Variants in RGS7 observed in about 807,000 individuals in gnomAD.
RGS7 encodes the protein regulator of G protein signaling 7.
RGS7 carries 27 observed loss-of-function variants against 81.1 expected under a neutral mutation model. That is an observed-to-expected ratio of 0.33 (90% CI 0.25 to 0.46). The LOEUF (loss-of-function observed/expected upper bound fraction) is 0.46. Ranked by LOEUF, RGS7 falls within the 20% of genes least tolerant of loss-of-function variation. The probability of loss-of-function intolerance (pLI) is 1.00; values close to 1 mark genes in which losing one functional copy is unlikely to be tolerated. For missense variants in RGS7, 396 were observed against 607.4 expected (o/e 0.65, Z 3.66); for synonymous variants, 208 against 207.7 (o/e 1.00, Z -0.01).
At chr1:240,893,623 AAAACTTGAG>A (rs1668603586) in intron 6 of RGS7, among the ~76,000 whole-genome samples, 1 of 152,074 alleles carries the variant, frequency 6.6e-6, no homozygotes, top group Non-Finnish European at 1.5e-5. Context: ...ACAAAACTCC[AAAACTTGAG>A]AATATATAGT....
At chr1:240,775,382 A>G (rs554396838), downstream of RGS7, 1 of 152,332 alleles carries the variant, frequency 6.6e-6, no homozygotes, top group East Asian at 1.9e-4. Context: ...CTTCCGTACT[A>G]TCCAAGCTTG....
intron 2 of RGS7, among the ~76,000 whole-genome samples, chr1:241,349,911 A>G (rs139516038): frequency 6.6e-6 from 1 of 152,310 alleles, no homozygotes; most frequent in East Asian, 1.9e-4. Context: ...TCCTAAAAAT[A>G]CCCTGCTTTC....
At position 241,086,638 on chromosome 1, in the gene RGS7, G is replaced by GA. The variant is rs370850594; in HGVS notation, c.175+12027dup. On this transcript the variant is annotated intron_variant, in intron 3 of 18. Transcript: ENST00000440928. ...CCCCCCACCCAGAGGAATATGTTTG[G>GA]AAAAAAAAAAAGAAAAACAAATACT... Among the ~76,000 whole-genome samples the GA allele has an allele frequency of 4.3e-4, 61 of 140,968 alleles. 1 individual carries two copies. Among genetic ancestry groups the GA allele is most frequent in the East Asian group, 1.0e-3 (5 of 4,950 alleles). The allele number at this position is 140,968 out of a possible 152,430, so 92.5% of individuals were successfully genotyped here.
intron 4 of RGS7, among the ~76,000 whole-genome samples, chr1:240,945,638 T>C (rs1678475983): frequency 6.6e-6 from 1 of 152,228 alleles, no homozygotes; most frequent in African/African-American, 2.4e-5. Context: ...ACAGGCTTGG[T>C]CACTGAAACA....
chr1:241,237,204 T>C (rs1475987251), intron 2 of RGS7, among the ~76,000 whole-genome samples: 1 of 152,236 alleles, frequency 6.6e-6, no homozygotes, highest in Non-Finnish European at 1.5e-5. Context: ...GAATTACACG[T>C]GACTTCTGGA....
intron 3 of RGS7, among the ~76,000 whole-genome samples, chr1:241,025,964 C>T (rs1304988673): frequency 6.6e-6 from 1 of 152,256 alleles, no homozygotes; most frequent in Admixed American, 6.5e-5. Flanking sequence ...CAGCACATAG[C>T]ATTAATAGAA....
chr1:241,151,213 C>A (rs766595190), intron 2 of RGS7, among the ~76,000 whole-genome samples: 1 of 152,164 alleles, frequency 6.6e-6, no homozygotes, highest in Non-Finnish European at 1.5e-5. Flanking sequence ...CAAGTTGACA[C>A]CTAAAATTAG....
At chr1:240,825,617 G>A (rs1692664764) in intron 10 of RGS7, among the ~76,000 whole-genome samples, 3 of 152,154 alleles carry the variant, frequency 2.0e-5, no homozygotes, top group South Asian at 4.1e-4. Flanking sequence ...AGATGTTATC[G>A]AGACAAAGAG....
At chr1:240,827,219 T>C (rs1019486769) in intron 9 of RGS7, 47 bp from the exon 10 acceptor site, 3 of 1,460,232 alleles carry the variant, frequency 2.1e-6, no homozygotes, top group East Asian at 2.3e-5. Context: ...GGGTGTGAAA[T>C]TTCTGACCAG....
chr1:240,871,670 G>A (rs981782343), intron 6 of RGS7, among the ~76,000 whole-genome samples: 1 of 152,140 alleles, frequency 6.6e-6, no homozygotes, highest in Non-Finnish European at 1.5e-5. Flanking sequence ...ACTCCCGAAG[G>A]ATCTCTTACT....
intron 3 of RGS7, among the ~76,000 whole-genome samples, chr1:241,035,546 T>C (rs1009262293): frequency 1.3e-5 from 2 of 152,152 alleles, no homozygotes; most frequent in African/African-American, 4.8e-5. Context: ...CTGAGAATTC[T>C]AAGGTGTGTC....
intron 2 of RGS7, among the ~76,000 whole-genome samples, chr1:241,193,703 G>A (rs892720976): frequency 2.0e-5 from 3 of 152,188 alleles, no homozygotes; most frequent in Non-Finnish European, 4.4e-5. Flanking sequence ...TCTGGAAACA[G>A]GCAGTACACA....
At chr1:241,237,021 G>T (rs918768483) in intron 2 of RGS7, among the ~76,000 whole-genome samples, 4 of 152,180 alleles carry the variant, frequency 2.6e-5, no homozygotes, top group Non-Finnish European at 5.9e-5. Context: ...CCTTGTTAAT[G>T]GTCTTCGGAG....
chr1:241,073,603 G>C (rs2502410), intron 3 of RGS7, among the ~76,000 whole-genome samples: 4,033 of 152,282 alleles, frequency 0.026, 178 homozygotes, highest in African/African-American at 0.092. Context: ...TGTGGTGAAA[G>C]TCCCTTGGAA....
At chr1:241,187,659 G>C (rs529861949) in intron 2 of RGS7, among the ~76,000 whole-genome samples, 13 of 152,138 alleles carry the variant, frequency 8.5e-5, no homozygotes, top group African/African-American at 3.1e-4. Context: ...CCTCATGGCT[G>C]TTGTCCCACT....
At chr1:240,986,573 T>TAAACATGATGTTAAATTGATC (rs1480398517) in intron 3 of RGS7, among the ~76,000 whole-genome samples, 2 of 5,294 alleles carry the variant, frequency 3.8e-4, no homozygotes, top group African/African-American at 8.4e-4. Context: ...CCACTATTAT[T>TAAACATGATGTTAAATTGATC]TTTTTTTTTT....
intron 2 of RGS7, among the ~76,000 whole-genome samples, chr1:241,211,459 G>A (rs889451727): frequency 1.1e-4 from 16 of 152,284 alleles, no homozygotes; most frequent in Admixed American, 6.5e-5. Flanking sequence ...CACCGTCACC[G>A]TAGCTGGAGT....
chr1:241,352,065 A>C (rs2083281760), intron 2 of RGS7, among the ~76,000 whole-genome samples: 1 of 152,102 alleles, frequency 6.6e-6, no homozygotes, highest in African/African-American at 2.4e-5. Context: ...CAGACACCAA[A>C]TTTGGAGTGT....
chr1:240,934,505 C>T (rs181301444), intron 5 of RGS7, among the ~76,000 whole-genome samples: 22 of 152,198 alleles, frequency 1.4e-4, no homozygotes, highest in Admixed American at 1.4e-3. Context: ...ACTTGGTAGA[C>T]ATTATAGTAG....
Sources: allele counts gnomAD v4.1 joint callset (sites outside exome capture counted in the v4.1 genomes callset), GRCh38; gene constraint gnomAD v4.1.1; transcripts MANE v1.5; gene names NCBI Gene and HGNC (gene_info 2026-07-23, HGNC 2026-07-21).